Variants in CPEB2 observed in about 807,000 individuals in gnomAD.
The protein encoded by CPEB2 is cytoplasmic polyadenylation element binding protein 2, also known as cytoplasmic polyadenylation element-binding protein 2.
In CPEB2, 56 loss-of-function variants were observed where a neutral mutation model predicts 93.6. That is an observed-to-expected ratio of 0.60 (90% CI 0.48 to 0.75). CPEB2 has a LOEUF of 0.75. Ranked by LOEUF, CPEB2 falls within the 30% of genes least tolerant of loss-of-function variation. CPEB2 has a pLI of 0.00. For missense variants in CPEB2, 1,579 were observed against 1,395.1 expected (o/e 1.13, Z -2.10); for synonymous variants, 764 against 586.3 (o/e 1.30, Z -4.38).
chr4:15,024,807 G>A (rs959410155), intron 4 of CPEB2, among the ~76,000 whole-genome samples: 7 of 147,568 alleles, frequency 4.7e-5, no homozygotes, highest in African/African-American at 7.5e-5. Context: ...GTGCAGTGGC[G>A]TGATCTTGGC....
chr4:15,014,382 C>T (rs1259539501), intron 3 of CPEB2, among the ~76,000 whole-genome samples: 1 of 147,888 alleles, frequency 6.8e-6, no homozygotes, highest in East Asian at 2.0e-4. Flanking sequence ...GGCACACCTG[C>T]AGAGGGATTT....
Position 15,002,785 on chromosome 4 carries a change from C to G in CPEB2, c.112C>G (p.Pro38Ala), listed in dbSNP as rs893721553. Residue 38 changes from proline to alanine, a missense_variant, in exon 1 of 12, where the codon CCG (proline) becomes GCG (alanine). Transcript: ENST00000538197. ...TCCTTACGCCGTGGGGTCCGTCAAC[C>G]CGCTGCCCTCCGCCACGCCCTTCGG... ...YGPYAVGSVNPLPSATPFGPL... is the reference protein window; with the variant it reads ...YGPYAVGSVNALPSATPFGPL... The G allele has an allele frequency of 1.3e-6, 2 of 1,535,478 alleles. No homozygotes were observed. Among genetic ancestry groups the G allele is most frequent in the Non-Finnish European group, 1.7e-6 (2 of 1,146,684 alleles).
intron 4 of CPEB2, among the ~76,000 whole-genome samples, chr4:15,031,438 T>C (rs1726082399): frequency 6.6e-6 from 1 of 152,198 alleles, no homozygotes; most frequent in South Asian, 2.1e-4. Context: ...AAGTGCAGTT[T>C]AGGAAAGCTG....
At chr4:15,041,916 C>T (rs1335028392) in intron 6 of CPEB2, among the ~76,000 whole-genome samples, 1 of 152,052 alleles carries the variant, frequency 6.6e-6, no homozygotes, top group Non-Finnish European at 1.5e-5. Context: ...CTTCAGTTTT[C>T]TAACTAAAAA....
chr4:15,004,584 G>T (rs912157526), intron 1 of CPEB2, among the ~76,000 whole-genome samples: 3 of 152,112 alleles, frequency 2.0e-5, no homozygotes, highest in South Asian at 2.1e-4. Flanking sequence ...TTCGCGCTGG[G>T]AGCCGCGGCT....
intron 8 of CPEB2, among the ~76,000 whole-genome samples, chr4:15,056,592 C>T (rs768454806): frequency 1.3e-5 from 2 of 152,124 alleles, no homozygotes; most frequent in Non-Finnish European, 2.9e-5. Flanking sequence ...AGACCAGTAT[C>T]CCCAAACCTT....
intron 11 of CPEB2, among the ~76,000 whole-genome samples, chr4:15,063,368 C>CAA (rs146698542): frequency 7.3e-6 from 1 of 137,280 alleles, no homozygotes. Context: ...AAAAGGTTGC[C>CAA]AAAAAAAAAA....
chr4:15,066,097 C>G (rs193297368), intron 11 of CPEB2, 56 bp from the exon 12 acceptor site: 1 of 1,436,976 alleles, frequency 7.0e-7, no homozygotes, highest in East Asian at 2.3e-5. Flanking sequence ...TAAGTTATTA[C>G]AGAATTTGAT....
At chr4:15,022,751 A>G (rs1724953653) in intron 4 of CPEB2, among the ~76,000 whole-genome samples, 1 of 152,100 alleles carries the variant, frequency 6.6e-6, no homozygotes, top group African/African-American at 2.4e-5. Context: ...TGGAATCTTA[A>G]TACTTGACCC....
rs1200953566 is a variant in CPEB2, at chr4:15,003,773, G to A, written c.1100G>A (p.Gly367Glu). The change falls in exon 1 of 12, where the codon GGA becomes GAA. Residue 367 changes from glycine (G) to glutamate (E), a missense_variant. Around this residue, in one of 2 missense-constraint regions of CPEB2, gnomAD observed 1,411 missense variants for 1,056.0 expected, o/e 1.34. Coordinates refer to ENST00000538197, the MANE Select transcript of CPEB2 (RefSeq NM_001177382.2). Reference protein sequence around the residue: ...GGGGPPGGGGGGGSASPPPLP... With the variant: ...GGGGPPGGGGEGGSASPPPLP... The stretch of plus-strand genomic sequence containing the variant: ...GGGGGGCCCCCAGGAGGCGGAGGGG[G>A]AGGCGGCTCCGCGTCGCCGCCGCCG... The A allele has an allele frequency of 4.3e-6, 5 of 1,172,892 alleles. No individual in the cohort carries two copies. The highest frequency in any genetic ancestry group is 1.1e-6 in the Non-Finnish European group (1 of 942,928). 72.7% of individuals were successfully genotyped at this position (1,172,892 alleles called of 1,614,324 possible).
chr4:15,002,749 G>C lies in CPEB2; in HGVS notation c.76G>C (p.Glu26Gln), dbSNP rs999540504. ...SSSPGPLFCG[E>Q]AYGPYAVGSV... is the part of the protein sequence containing the mutation. Reference sequence around the variant, plus strand: ...CAGTCCTGGGCCCCTGTTCTGCGGCGAGGCGTATGGTCCTTACGCCGTGGG... The same window carrying C: ...CAGTCCTGGGCCCCTGTTCTGCGGCCAGGCGTATGGTCCTTACGCCGTGGG... Residue 26 changes from glutamate to glutamine, a missense_variant, in exon 1 of 12, where the codon GAG (glutamate) becomes CAG (glutamine). By Grantham distance (29) the Glu-to-Gln change is conservative (BLOSUM62 2). Transcript: ENST00000538197. The C allele has an allele frequency of 2.6e-6, 4 of 1,535,212 alleles. No individual in the cohort carries two copies. The East Asian group carries it at 7.4e-5, about 28-fold the overall frequency.
At chr4:15,050,047 G>A (rs919009625) in intron 6 of CPEB2, among the ~76,000 whole-genome samples, 2 of 152,142 alleles carry the variant, frequency 1.3e-5, no homozygotes, top group Non-Finnish European at 2.9e-5. Context: ...ACATAAAACG[G>A]TCCGGTCCGT....
At chr4:15,006,784 A>G (rs1408420622) in intron 1 of CPEB2, among the ~76,000 whole-genome samples, 3 of 152,236 alleles carry the variant, frequency 2.0e-5, no homozygotes, top group African/African-American at 4.8e-5. Context: ...TTATTTCAAA[A>G]GGCGATTTTA....
At position 15,068,379 on chromosome 4, in the gene CPEB2, ATCCT is replaced by A. The variant is rs1425396449; in HGVS notation, c.*2000_*2003del. On this transcript the variant is annotated 3_prime_UTR_variant, in exon 12 of 12. Transcript: ENST00000538197. ...GTTCCCTATTTGTTACTTAACCATG[ATCCT>A]CCAGATTTTTTGGAGTATTCTTTTC... 2 of 152,302 alleles carry A rather than the reference ATCCT, an allele frequency of 1.3e-5. No homozygotes were observed. Among genetic ancestry groups the A allele is most frequent in the Non-Finnish European group, 2.9e-5 (2 of 67,862 alleles). 9.4% of individuals were successfully genotyped at this position (152,302 alleles called of 1,614,324 possible). A position where few individuals can be genotyped will look rare whatever the true frequency, so the allele number is the denominator to read the frequency against.
rs571994575 is a variant in CPEB2 at position 15,037,738 on chromosome 4, T to C, written c.2177-2726T>C. On this transcript the variant is annotated intron_variant, in intron 5 of 11. Coordinates refer to ENST00000538197, the MANE Select transcript of CPEB2 (RefSeq NM_001177382.2). ...CTGTGCATATACACATCAACAGGTATGTTAAATAGCTCCTCATGTTGTTTT... is the reference window on the plus strand; with the variant it reads ...CTGTGCATATACACATCAACAGGTACGTTAAATAGCTCCTCATGTTGTTTT... 3.9e-5 allele frequency among the ~76,000 whole-genome samples: 6 copies of C among 152,310 alleles called. No homozygotes were observed. In the East Asian group the frequency reaches 1.2e-3, roughly 29 times the overall value.
chr4:15,018,077 G>GT (rs1459645748), intron 4 of CPEB2, among the ~76,000 whole-genome samples: 1 of 151,826 alleles, frequency 6.6e-6, no homozygotes, highest in Non-Finnish European at 1.5e-5. Flanking sequence ...ACCTTAAACA[G>GT]TTTCTGTGAG....
In CPEB2 at chr4:15,003,467, C is replaced by T; in HGVS notation, c.794C>T (p.Pro265Leu). ...GACCTGCCCCCGCTCCCGCAGCTCCCTCCCTCGCCGCCTGCAGCCCCGCGG... is the reference window on the plus strand; with the variant it reads ...GACCTGCCCCCGCTCCCGCAGCTCCTTCCCTCGCCGCCTGCAGCCCCGCGG... ...PADLPPLPQL[P>L]PSPPAAPRRR... Residue 265 changes from proline (P) to leucine (L), a missense_variant, in exon 1 of 12, where the codon CCT (proline) becomes CTT (leucine). This residue lies in a region of CPEB2 where 1,411 missense variants were observed against 1,056.0 expected (regional missense o/e 1.34). Coordinates refer to ENST00000538197, the MANE Select transcript of CPEB2 (RefSeq NM_001177382.2). 1.4e-6 allele frequency: 2 copies of T among 1,388,486 alleles called. No homozygotes were observed. The highest frequency in any genetic ancestry group is 1.9e-6 in the Non-Finnish European group (2 of 1,077,166). 86.0% of individuals were successfully genotyped at this position (1,388,486 alleles called of 1,614,324 possible).
At chr4:15,039,324 A>G (rs1223634664) in intron 5 of CPEB2, among the ~76,000 whole-genome samples, 1 of 152,222 alleles carries the variant, frequency 6.6e-6, no homozygotes, top group Non-Finnish European at 1.5e-5. Context: ...TCCTTGTAGT[A>G]AAGCATTAGC....
Position 15,003,527 on chromosome 4 carries a change from C to A in CPEB2, c.854C>A (p.Thr285Asn). 2.1e-6 allele frequency: 3 copies of A among 1,449,016 alleles called. No individual in the cohort carries two copies. Among genetic ancestry groups the A allele is most frequent in the Non-Finnish European group, 2.7e-6 (3 of 1,103,060 alleles). 89.8% of individuals were successfully genotyped at this position (1,449,016 alleles called of 1,614,324 possible). The change falls in exon 1 of 12, where the codon ACC (threonine) becomes AAC (asparagine). Residue 285 changes from threonine to asparagine, a missense_variant. Around this residue, in one of 2 missense-constraint regions of CPEB2, gnomAD observed 1,411 missense variants for 1,056.0 expected, o/e 1.34. Coordinates refer to ENST00000538197, the MANE Select transcript of CPEB2 (RefSeq NM_001177382.2). ...RHGGAGSPRKTPAAGEGSAAE... is the reference protein window; with the variant it reads ...RHGGAGSPRKNPAAGEGSAAE... ...GGAGGCGCGGGCAGCCCTCGCAAGA[C>A]CCCAGCCGCGGGCGAGGGCAGCGCC...
Sources: gnomAD v4.1 joint callset for allele counts (sites outside exome capture counted in the v4.1 genomes callset) on GRCh38, gnomAD v4.1.1 for gene constraint, gnomAD v4.1.1 regional missense constraint, MANE v1.5 for transcripts, NCBI Gene and HGNC (gene_info 2026-07-23, HGNC 2026-07-21) for gene names.